RNGTT: variants seen among roughly 807,000 people sequenced by gnomAD.
The protein encoded by RNGTT is mRNA-capping enzyme.
A neutral mutation model predicts 79.3 loss-of-function variants in RNGTT; 33 were observed. That is an observed-to-expected ratio of 0.42 (90% CI 0.32 to 0.56). RNGTT has a LOEUF of 0.56. Among genes scored for constraint, RNGTT ranks in the 20% least tolerant of loss-of-function variants. The pLI is 0.17. For synonymous variants in RNGTT, 222 were observed against 235.9 expected, an observed-to-expected ratio of 0.94 and a Z score of 0.54; for missense variants, 497 against 739.1, an observed-to-expected ratio of 0.67 and a Z score of 3.80.
chr6:88,669,763 T>C (rs1051797989), intron 14 of RNGTT, among the ~76,000 whole-genome samples: 1 of 152,192 alleles, frequency 6.6e-6, no homozygotes, highest in African/African-American at 2.4e-5. Context: ...TTTTTCCTGC[T>C]GCCCATAAAA....
intron 4 of RNGTT, among the ~76,000 whole-genome samples, chr6:88,916,678 T>C (rs1784009608): frequency 6.6e-6 from 1 of 152,232 alleles, no homozygotes; most frequent in African/African-American, 2.4e-5. Context: ...ACCCAGGTTA[T>C]ACATTTGATA....
chr6:88,941,053 A>C lies in RNGTT; in HGVS notation c.174+18T>G. Reference sequence around the variant, plus strand: ...AAAGTATATTAAATCAGTGACAAAAATAAATTTTGTTTCTTACCTTTAGGC... The same window carrying C: ...AAAGTATATTAAATCAGTGACAAAACTAAATTTTGTTTCTTACCTTTAGGC... On this transcript the variant is annotated intron_variant, in intron 2 of 15. Transcript: ENST00000369485. The C allele has an allele frequency of 6.8e-7, 1 of 1,469,958 alleles. No individual in the cohort carries two copies. Among genetic ancestry groups the C allele is most frequent in the Non-Finnish European group, 9.5e-7 (1 of 1,053,734 alleles). 91.1% of individuals were successfully genotyped at this position (1,469,958 alleles called of 1,614,324 possible).
In RNGTT at chr6:88,620,053, C is replaced by T. The variant is rs540401722; in HGVS notation, c.1507-5658G>A. On this transcript the variant is annotated intron_variant, in intron 14 of 15. Coordinates refer to ENST00000369485, the MANE Select transcript of RNGTT (RefSeq NM_003800.5). ...TACGTGTCACGTTACCTTTTTAAAACACGTTAGACTAGTACTTCAAAAAAC... is the reference window on the plus strand; with the variant it reads ...TACGTGTCACGTTACCTTTTTAAAATACGTTAGACTAGTACTTCAAAAAAC... Among the ~76,000 whole-genome samples, 5 of 152,258 alleles carry T rather than the reference C, an allele frequency of 3.3e-5. No homozygotes were observed. The South Asian group carries it at 6.2e-4, about 19-fold the overall frequency.
intron 8 of RNGTT, among the ~76,000 whole-genome samples, chr6:88,860,278 A>G (rs1260607201): frequency 1.3e-5 from 2 of 152,232 alleles, no homozygotes; most frequent in Admixed American, 1.3e-4. Flanking sequence ...GGGCATATTT[A>G]CTGAGCCATG....
chr6:88,641,324 G>A (rs1479514382), intron 14 of RNGTT, among the ~76,000 whole-genome samples: 1 of 144,638 alleles, frequency 6.9e-6, no homozygotes, highest in East Asian at 2.0e-4. Flanking sequence ...GGGCAACAGA[G>A]TGAGACTCTG....
chr6:88,896,652 G>A (rs1156478142), intron 6 of RNGTT, among the ~76,000 whole-genome samples: 3 of 152,290 alleles, frequency 2.0e-5, no homozygotes, highest in South Asian at 4.1e-4. Context: ...ACATTCCAGT[G>A]CCTGAGTTCC....
intron 11 of RNGTT, among the ~76,000 whole-genome samples, chr6:88,814,287 T>C (rs1780243415): frequency 6.6e-6 from 1 of 152,334 alleles, no homozygotes; most frequent in East Asian, 1.9e-4. Flanking sequence ...ACTGGGCATA[T>C]AGAGTTGCTT....
intron 11 of RNGTT, among the ~76,000 whole-genome samples, chr6:88,805,666 C>T (rs888076361): frequency 6.6e-5 from 10 of 152,222 alleles, no homozygotes; most frequent in Middle Eastern, 6.8e-3. Context: ...CCCATGCCTG[C>T]GATTCAGGTG....
At chr6:88,778,672 A>T (rs991173758) in intron 12 of RNGTT, among the ~76,000 whole-genome samples, 1 of 152,118 alleles carries the variant, frequency 6.6e-6, no homozygotes, top group African/African-American at 2.4e-5. Context: ...GATTTTTATA[A>T]ATTATTTAAA....
intron 13 of RNGTT, among the ~76,000 whole-genome samples, chr6:88,767,623 AAATT>A (rs563323695): frequency 1.3e-5 from 2 of 151,568 alleles, no homozygotes; most frequent in Non-Finnish European, 2.9e-5. Flanking sequence ...CAGTTTAACA[AAATT>A]TTACTTCATC....
chr6:88,679,407 T>A (rs1004130026), intron 13 of RNGTT, among the ~76,000 whole-genome samples: 2 of 152,116 alleles, frequency 1.3e-5, no homozygotes, highest in Admixed American at 1.3e-4. Flanking sequence ...ATGGACAGAG[T>A]AAGAAATAAT....
At chr6:88,656,973 C>G (rs777234069) in intron 14 of RNGTT, among the ~76,000 whole-genome samples, 3 of 151,970 alleles carry the variant, frequency 2.0e-5, no homozygotes, top group Non-Finnish European at 2.9e-5. Context: ...TGCCTGTAAT[C>G]CCAGCTACTC....
chr6:88,763,831 A>C (rs933587183), intron 13 of RNGTT, among the ~76,000 whole-genome samples: 2 of 152,224 alleles, frequency 1.3e-5, no homozygotes, highest in East Asian at 1.9e-4. Context: ...GTGGATACTA[A>C]AAAGGACGTT....
In RNGTT at chr6:88,904,696, T is replaced by C; in HGVS notation, c.684+19A>G. On this transcript the variant is annotated intron_variant, in intron 6 of 15. Coordinates refer to ENST00000369485, the MANE Select transcript of RNGTT (RefSeq NM_003800.5). Reference sequence around the variant, plus strand: ...GAAAAAGGAAAAAAAAAACCTATTATAATATTTTTAAACATTACCAGTTTT... The same window carrying C: ...GAAAAAGGAAAAAAAAAACCTATTACAATATTTTTAAACATTACCAGTTTT... 1 of 1,577,726 alleles carries C rather than the reference T, an allele frequency of 6.3e-7. No individual in the cohort carries two copies. Among genetic ancestry groups the C allele is most frequent in the Non-Finnish European group, 8.6e-7 (1 of 1,167,240 alleles).
At chr6:88,678,325 A>G (rs775059260) in intron 14 of RNGTT, 28 bp downstream of exon 14, 16 of 1,587,076 alleles carry the variant, frequency 1.0e-5, no homozygotes, top group Admixed American at 1.7e-5. Context: ...ACATCCAGGA[A>G]AAGTACACTG....
chr6:88,804,419 G>A (rs1437767220), intron 11 of RNGTT, among the ~76,000 whole-genome samples: 1 of 152,122 alleles, frequency 6.6e-6, no homozygotes, highest in Non-Finnish European at 1.5e-5. Context: ...TGAGGCAGGG[G>A]ACTGCCTGAG....
At chr6:88,644,632 C>T (rs1332801022) in intron 14 of RNGTT, among the ~76,000 whole-genome samples, 1 of 152,200 alleles carries the variant, frequency 6.6e-6, no homozygotes, top group Non-Finnish European at 1.5e-5. Flanking sequence ...AATCCAGCAG[C>T]ACATCAAAAA....
chr6:88,672,232 T>C (rs551786318), intron 14 of RNGTT, among the ~76,000 whole-genome samples: 3 of 150,072 alleles, frequency 2.0e-5, no homozygotes, highest in South Asian at 2.1e-4. Flanking sequence ...CACACACACA[T>C]ATATATACAC....
At chr6:88,949,465 T>C (rs1053203091) in intron 1 of RNGTT, among the ~76,000 whole-genome samples, 7 of 152,048 alleles carry the variant, frequency 4.6e-5, no homozygotes, top group Non-Finnish European at 7.4e-5. Context: ...GGTTTCACCA[T>C]ATTGGCCAGG....
Sources: allele counts gnomAD v4.1 joint callset (sites outside exome capture counted in the v4.1 genomes callset), GRCh38; gene constraint gnomAD v4.1.1; transcripts MANE v1.5; gene names NCBI Gene and HGNC (gene_info 2026-07-23, HGNC 2026-07-21).